Variants in LAMP3 observed in about 807,000 individuals in gnomAD.
LAMP3 encodes the protein lysosome associated membrane protein 3.
A neutral mutation model predicts 34.8 loss-of-function variants in LAMP3; 26 were observed. The ratio of observed to expected loss-of-function variants is 0.75; its 90% confidence interval spans 0.55 to 1.04. LAMP3 has a LOEUF of 1.04. LAMP3 is among the 50% of genes least tolerant of loss of function. The pLI, the probability that LAMP3 is intolerant of heterozygous loss-of-function variation, is 0.00. For missense variants in LAMP3, 495 were observed against 524.0 expected (o/e 0.94, Z 0.54); for synonymous variants, 180 against 201.9 (o/e 0.89, Z 0.92).
chr3:183,134,220 C>A (rs1438968980), intron 5 of LAMP3, among the ~76,000 whole-genome samples: 1 of 151,938 alleles, frequency 6.6e-6, no homozygotes, highest in Non-Finnish European at 1.5e-5. Context: ...ATTGTTAGGG[C>A]TTTGTGACTA....
intron 1 of LAMP3, among the ~76,000 whole-genome samples, chr3:183,154,885 G>A (rs1400647282): frequency 6.6e-6 from 1 of 151,890 alleles, no homozygotes; most frequent in East Asian, 1.9e-4. Flanking sequence ...GTTTGAAAGG[G>A]GTCTTAAAAG....
At chr3:183,158,241 C>T (rs946016415) in intron 1 of LAMP3, 3 of 152,164 alleles carry the variant, frequency 2.0e-5, no homozygotes, top group Non-Finnish European at 2.9e-5. Context: ...TATATGACCA[C>T]ACACATGGTC....
intron 2 of LAMP3, 69 bp from the exon 3 acceptor site, chr3:183,152,572 C>T: frequency 7.0e-7 from 1 of 1,437,028 alleles, no homozygotes; most frequent in Non-Finnish European, 9.4e-7. Flanking sequence ...ACCAGATGCA[C>T]AGGCTAGTTT....
chr3:183,149,574 A>AAAAAAAAAAATATAT (rs1720561533), intron 3 of LAMP3, among the ~76,000 whole-genome samples: 1 of 32,626 alleles, frequency 3.1e-5, no homozygotes, highest in Non-Finnish European at 5.1e-5. Context: ...AAAAAAAAAA[A>AAAAAAAAAAATATAT]ATATATATAT....
At chr3:183,131,932 G>A (rs1018096862) in intron 5 of LAMP3, 2 of 985,340 alleles carry the variant, frequency 2.0e-6, no homozygotes, top group African/African-American at 3.5e-5. Flanking sequence ...GGAATGTACT[G>A]CTTTTGGTGA....
intron 3 of LAMP3, among the ~76,000 whole-genome samples, chr3:183,143,766 AC>A (rs1472020538): frequency 6.6e-6 from 1 of 152,238 alleles, no homozygotes; most frequent in Non-Finnish European, 1.5e-5. Flanking sequence ...AGACAATTGT[AC>A]CACTTTATTC....
intron 5 of LAMP3, among the ~76,000 whole-genome samples, chr3:183,127,474 GT>G (rs926525685): frequency 1.2e-3 from 173 of 148,154 alleles, no homozygotes; most frequent in African/African-American, 2.3e-3. Flanking sequence ...CATTGTCTAT[GT>G]TTTTTTTTTC....
chr3:183,154,135 G>A lies in LAMP3; in HGVS notation c.306C>T (p.Tyr102=), dbSNP rs1287063636. 5 of 1,614,086 alleles carry A rather than the reference G, an allele frequency of 3.1e-6. No homozygotes were observed. The highest frequency in any genetic ancestry group is 4.2e-6 in the Non-Finnish European group (5 of 1,180,044). ...KNTATTSPIT[Y]TLVTTQATPN... ...GTGTGGCCTGGGTTGTGACCAGGGT[G>A]TAGGTAATTGGGCTGGTGGTTGCAG... The change falls in exon 2 of 6, where the codon TAC becomes TAT. Residue 102 remains tyrosine (Y), a synonymous_variant. Coordinates refer to ENST00000265598, the MANE Select transcript of LAMP3 (RefSeq NM_014398.4).
At chr3:183,156,086 G>A (rs624247) in intron 1 of LAMP3, among the ~76,000 whole-genome samples, 100,549 of 152,116 alleles carry the variant, frequency 0.66, 33,586 homozygotes, top group Non-Finnish European at 0.71. Flanking sequence ...TGGGCCGGGC[G>A]CGGTGGCTCA....
intron 5 of LAMP3, among the ~76,000 whole-genome samples, chr3:183,128,147 CAAAA>C (rs56282591): frequency 7.9e-6 from 1 of 126,750 alleles, no homozygotes; most frequent in Non-Finnish European, 1.6e-5. Flanking sequence ...CACTCCATCT[CAAAA>C]AAAAAAAAAA....
intron 5 of LAMP3, chr3:183,132,111 A>C (rs767056679): frequency 5.6e-5 from 55 of 985,290 alleles, no homozygotes; most frequent in Non-Finnish European, 6.3e-5. Context: ...ACCCGGAAAA[A>C]AGTAGCTAAG....
chr3:183,156,129 G>A (rs764095149), intron 1 of LAMP3, among the ~76,000 whole-genome samples: 8 of 152,306 alleles, frequency 5.3e-5, no homozygotes, highest in Admixed American at 1.3e-4. Flanking sequence ...GGAGGCCAAC[G>A]TGGGCAGATC....
At position 183,135,655 on chromosome 3, in the gene LAMP3, C is replaced by T. The variant is rs758549848; in HGVS notation, c.1117+62G>A. On this transcript the variant is annotated intron_variant, in intron 5 of 5. Transcript: ENST00000265598. ...CTTCGACAGCTGCAGACAGAAAACA[C>T]TTTGGATCTACCCTGGGGTCTCTAA... 2.3e-5 allele frequency: 34 copies of T among 1,469,788 alleles called. No homozygotes were observed. The Middle Eastern group carries it at 6.3e-4, about 27-fold the overall frequency. The allele number at this position is 1,469,788 out of a possible 1,614,324, so 91.0% of individuals were successfully genotyped here.
intron 3 of LAMP3, among the ~76,000 whole-genome samples, chr3:183,147,260 A>G (rs1032956359): frequency 1.3e-5 from 2 of 152,028 alleles, no homozygotes; most frequent in Non-Finnish European, 2.9e-5. Flanking sequence ...AGAAAAAAAA[A>G]ATATTGAACA....
rs537531024 is a variant in LAMP3, at chr3:183,140,604, C to T, written c.889-9G>A. 6.3e-7 allele frequency: 1 copy of T among 1,575,420 alleles called. No individual in the cohort carries two copies. Among genetic ancestry groups the T allele is most frequent in the Non-Finnish European group, 8.7e-7 (1 of 1,145,260 alleles). ...TAATATGATTCTTCATCCTGTAAAA[C>T]AGTAGGGTGTTAACCTTTGGGTTAT... On this transcript the variant is annotated splice_polypyrimidine_tract_variant and intron_variant, in intron 3 of 5. Transcript: ENST00000265598.
At chr3:183,125,164 A>T (rs543807911) in intron 5 of LAMP3, among the ~76,000 whole-genome samples, 1 of 152,330 alleles carries the variant, frequency 6.6e-6, no homozygotes, top group Admixed American at 6.5e-5. Flanking sequence ...GGAAGTTGAT[A>T]GAATACTCTA....
chr3:183,150,150 G>A (rs189004404), intron 3 of LAMP3, among the ~76,000 whole-genome samples: 13 of 152,262 alleles, frequency 8.5e-5, no homozygotes, highest in South Asian at 4.1e-4. Flanking sequence ...AGGGGAGGAC[G>A]ACCTGCTGAT....
At position 183,124,038 on chromosome 3, in the gene LAMP3, G is replaced by T; in HGVS notation, c.*43C>A. 6.2e-7 allele frequency: 1 copy of T among 1,610,788 alleles called. No homozygotes were observed. Among genetic ancestry groups the T allele is most frequent in the Non-Finnish European group, 8.5e-7 (1 of 1,177,310 alleles). On this transcript the variant is annotated 3_prime_UTR_variant, in exon 6 of 6. Coordinates refer to ENST00000265598, the MANE Select transcript of LAMP3 (RefSeq NM_014398.4). ...AACATCCATCCTGGAAGGGATGAAAGAGTTCTCTAAATTCCATTATTTTCA... is the reference window on the plus strand; with the variant it reads ...AACATCCATCCTGGAAGGGATGAAATAGTTCTCTAAATTCCATTATTTTCA...
intron 5 of LAMP3, among the ~76,000 whole-genome samples, chr3:183,130,706 C>A (rs749738406): frequency 6.6e-6 from 1 of 152,154 alleles, no homozygotes; most frequent in Non-Finnish European, 1.5e-5. Flanking sequence ...CTAGCTGCAG[C>A]CTGGAGCGAT....
Sources: allele counts gnomAD v4.1 joint callset (sites outside exome capture counted in the v4.1 genomes callset), GRCh38; gene constraint gnomAD v4.1.1; transcripts MANE v1.5; gene names NCBI Gene and HGNC (gene_info 2026-07-23, HGNC 2026-07-21).